LIPA: variants seen among roughly 807,000 people sequenced by gnomAD.
LIPA encodes the protein lipase A, lysosomal acid type, also known as lysosomal acid lipase/cholesteryl ester hydrolase.
Under a neutral mutation model 40.6 loss-of-function variants are expected in LIPA, and 26 were observed. The ratio of observed to expected loss-of-function variants is 0.64; its 90% CI spans 0.47 to 0.89. The LOEUF (loss-of-function observed/expected upper bound fraction) is 0.89. LIPA is among the 40% of genes least tolerant of loss of function. LIPA has a pLI of 0.00. For missense variants in LIPA, 455 were observed against 479.6 expected, an observed-to-expected ratio of 0.95 and a Z score of 0.48; for synonymous variants, 188 against 168.4, an observed-to-expected ratio of 1.12 and a Z score of -0.90.
intron 1 of LIPA, among the ~76,000 whole-genome samples, chr10:89,257,071 T>C (rs1843185102): frequency 6.6e-6 from 1 of 152,230 alleles, no homozygotes; most frequent in African/African-American, 2.4e-5. Context: ...ATAAATAAGT[T>C]GTTTTGAATC....
At chr10:89,269,954 T>G (rs1429493721) in intron 1 of LIPA, among the ~76,000 whole-genome samples, 1 of 152,200 alleles carries the variant, frequency 6.6e-6, no homozygotes, top group Non-Finnish European at 1.5e-5. Context: ...TGTATTCTGG[T>G]CAGACATAAG....
At chr10:89,248,442 ATATTTATTTATTTATT>A (rs199626090) in intron 1 of LIPA, among the ~76,000 whole-genome samples, 142 of 136,394 alleles carry the variant, frequency 1.0e-3, no homozygotes, top group Non-Finnish European at 1.8e-3. Context: ...TTATTATTTT[ATATTTATTTATTTATT>A]TATTTATTTA....
At chr10:89,350,903 C>T (rs1198379354) in intron 2 of LIPA, among the ~76,000 whole-genome samples, 1 of 152,160 alleles carries the variant, frequency 6.6e-6, no homozygotes, top group East Asian at 1.9e-4. Context: ...CTTTCTCTTT[C>T]TCAGGGGGAG....
chr10:89,250,191 C>T (rs184180807), intron 1 of LIPA, among the ~76,000 whole-genome samples: 3,103 of 149,750 alleles, frequency 0.021, 53 homozygotes, highest in Non-Finnish European at 0.032. Context: ...GCTCCACCTC[C>T]TGGGTTCAGG....
intron 1 of LIPA, among the ~76,000 whole-genome samples, chr10:89,321,149 T>C (rs535545101): frequency 0.034 from 5,105 of 151,968 alleles, 245 homozygotes; most frequent in African/African-American, 0.12. Context: ...ATTCAGGACA[T>C]AGGCATGGGC....
intron 4 of LIPA, 64 bp from the exon 5 acceptor site, chr10:89,227,068 AG>A: frequency 9.9e-7 from 1 of 1,006,944 alleles, no homozygotes; most frequent in African/African-American, 1.6e-5. Context: ...ACACATACTG[AG>A]TATGCAGTTT....
rs528962245 is a variant in LIPA, at chr10:89,319,643, G to A, written c.-2+22968C>T. Among the ~76,000 whole-genome samples, 23 of 152,262 alleles carry A rather than the reference G, an allele frequency of 1.5e-4. 1 individual carries two copies. The South Asian group carries it at 3.7e-3, about 25-fold the overall frequency. On this transcript the variant is annotated intron_variant, in intron 1 of 5. Transcript: ENST00000282673. ...AATTCTACCAGAGGTACAAAGACGA[G>A]CTGGTACCATTCCTTCTGAAACTAT...
chr10:89,376,978 G>T (rs1844126434), intron 2 of LIPA, among the ~76,000 whole-genome samples: 1 of 152,160 alleles, frequency 6.6e-6, no homozygotes, highest in Non-Finnish European at 1.5e-5. Context: ...ACCTTGAAAT[G>T]CTCACTCAGA....
chr10:89,387,590 G>A (rs1844219720), intron 2 of LIPA, among the ~76,000 whole-genome samples: 1 of 152,058 alleles, frequency 6.6e-6, no homozygotes, highest in African/African-American at 2.4e-5. Context: ...GAGAGGAAAA[G>A]GAAAGGGACA....
chr10:89,284,730 C>A (rs1182912067), intron 1 of LIPA, among the ~76,000 whole-genome samples: 2 of 152,204 alleles, frequency 1.3e-5, no homozygotes, highest in African/African-American at 4.8e-5. Context: ...TGTCAGGCCT[C>A]TGAGCCCAAG....
rs201747507 is a variant in LIPA at position 89,339,812 on chromosome 10, T to C, written c.-2+2799A>G. On this transcript the variant is annotated intron_variant, in intron 1 of 5. Coordinates refer to the LIPA transcript ENST00000282673. ...GCTGTGCAACATGGTTTAGAGGGTT[T>C]GTCCATAAGCAAAAAATCAACTGAC... 3.7e-6 allele frequency: 6 copies of C among 1,614,172 alleles called. No individual in the cohort carries two copies. In the Admixed American group the frequency reaches 1.0e-4, roughly 27 times the overall value.
At chr10:89,286,305 C>T (rs997264069) in intron 1 of LIPA, among the ~76,000 whole-genome samples, 24 of 152,134 alleles carry the variant, frequency 1.6e-4, no homozygotes, top group Admixed American at 7.9e-4. Context: ...TCCTTTTCTA[C>T]GGACCCATCT....
intron 1 of LIPA, among the ~76,000 whole-genome samples, chr10:89,251,048 G>A (rs1341727466): frequency 6.6e-6 from 1 of 152,214 alleles, no homozygotes; most frequent in Non-Finnish European, 1.5e-5. Context: ...TTCAGTGGCA[G>A]AAGAAAAGGC....
chr10:89,364,062 T>A (rs1324541148), intron 2 of LIPA, among the ~76,000 whole-genome samples: 1 of 152,194 alleles, frequency 6.6e-6, no homozygotes, highest in African/African-American at 2.4e-5. Context: ...AAATATCAGA[T>A]AAATCTTCCC....
chr10:89,304,744 G>C (rs1843467486), intron 1 of LIPA, among the ~76,000 whole-genome samples: 1 of 152,080 alleles, frequency 6.6e-6, no homozygotes, highest in Admixed American at 6.6e-5. Flanking sequence ...TGTTCTCTGG[G>C]TTTTTTAGGG....
chr10:89,303,610 T>C (rs1014287801), intron 1 of LIPA, among the ~76,000 whole-genome samples: 14 of 152,226 alleles, frequency 9.2e-5, no homozygotes, highest in African/African-American at 3.4e-4. Flanking sequence ...GCCTTTTAAA[T>C]GGCTGCTCAA....
chr10:89,384,676 G>A, intron 2 of LIPA: 1 of 1,614,204 alleles, frequency 6.2e-7, no homozygotes, highest in Non-Finnish European at 8.5e-7. Flanking sequence ...AGAAGTAAGT[G>A]ATGCTTTGCT....
intron 2 of LIPA, among the ~76,000 whole-genome samples, chr10:89,387,041 G>T (rs912658542): frequency 6.6e-6 from 1 of 152,052 alleles, no homozygotes; most frequent in Admixed American, 6.5e-5. Flanking sequence ...TTTAGGCTGG[G>T]CGCCGTGGCT....
At chr10:89,256,351 AC>A (rs1386553832), upstream of LIPA, among the ~76,000 whole-genome samples, 1 of 152,266 alleles carries the variant, frequency 6.6e-6, no homozygotes, top group Non-Finnish European at 1.5e-5. Context: ...GTATTTAAAG[AC>A]ATGAGGCTGG....
Sources: allele counts gnomAD v4.1 joint callset (sites outside exome capture counted in the v4.1 genomes callset), GRCh38; gene constraint gnomAD v4.1.1; transcripts MANE v1.5; gene names NCBI Gene and HGNC (gene_info 2026-07-23, HGNC 2026-07-21).